Variants in ESR1 observed in about 807,000 individuals in gnomAD.
The protein encoded by ESR1 is estrogen receptor 1.
A neutral mutation model predicts 52.7 loss-of-function variants in ESR1; 12 were observed. That is an observed-to-expected ratio of 0.23 (90% confidence interval 0.15 to 0.37). The LOEUF (loss-of-function observed/expected upper bound fraction) is 0.37, where lower values mean the gene tolerates loss of function less well. Among genes scored for constraint, ESR1 ranks in the 10% least tolerant of loss-of-function variants. The probability of loss-of-function intolerance (pLI) is 1.00; values close to 1 mark genes in which losing one functional copy is unlikely to be tolerated. For synonymous variants in ESR1, 305 were observed against 316.8 expected, an observed-to-expected ratio of 0.96 and a Z score of 0.39; for missense variants, 584 against 779.7, an observed-to-expected ratio of 0.75 and a Z score of 2.99.
chr6:152,039,649 A>G (rs1283879778), intron 5 of ESR1, among the ~76,000 whole-genome samples: 3 of 152,058 alleles, frequency 2.0e-5, no homozygotes, highest in African/African-American at 7.2e-5. Flanking sequence ...CCACCCCTTG[A>G]TTCCTGGACC....
chr6:151,880,782 C>G lies in ESR1; in HGVS notation c.760+11C>G. 7.0e-7 allele frequency: 1 copy of G among 1,436,170 alleles called. No homozygotes were observed. The highest frequency in any genetic ancestry group is 9.8e-7 in the Non-Finnish European group (1 of 1,017,936). 89.0% of individuals were successfully genotyped at this position (1,436,170 alleles called of 1,614,324 possible). On this transcript the variant is annotated intron_variant, in intron 3 of 7. Transcript: ENST00000206249. Reference sequence around the variant, plus strand: ...GAATGATGAAAGGTGGTAGGTACATCTCTCCCAGGGGCCCTTGGGGATGGC... The same window carrying G: ...GAATGATGAAAGGTGGTAGGTACATGTCTCCCAGGGGCCCTTGGGGATGGC...
At chr6:151,750,659 C>T (rs1407764186) in intron 2 of ESR1, among the ~76,000 whole-genome samples, 1 of 152,050 alleles carries the variant, frequency 6.6e-6, no homozygotes, top group African/African-American at 2.4e-5. Flanking sequence ...AGTCTCTTCT[C>T]GAATGCTAAC....
At chr6:151,871,040 G>A (rs2128309684) in intron 2 of ESR1, among the ~76,000 whole-genome samples, 1 of 151,828 alleles carries the variant, frequency 6.6e-6, no homozygotes, top group African/African-American at 2.4e-5. Context: ...TTGTAGAGCT[G>A]GGGTCTTGCT....
At chr6:152,004,204 G>A (rs2042166344) in intron 4 of ESR1, among the ~76,000 whole-genome samples, 1 of 151,964 alleles carries the variant, frequency 6.6e-6, no homozygotes, top group Admixed American at 6.6e-5. Context: ...TGACTAAACT[G>A]TGCACATGAG....
chr6:151,684,394 T>C (rs1052080283), intron 1 of ESR1, among the ~76,000 whole-genome samples: 6 of 152,174 alleles, frequency 3.9e-5, no homozygotes, highest in African/African-American at 1.4e-4. Flanking sequence ...CTTAATTTAA[T>C]CTTGCAGTAA....
At chr6:151,809,303 A>T (rs1037280279) in intron 1 of ESR1, 1 of 341,460 alleles carries the variant, frequency 2.9e-6, no homozygotes, top group African/African-American at 2.2e-5. Context: ...TTTTTTCCCT[A>T]CAAGAATTGT....
intron 2 of ESR1, among the ~76,000 whole-genome samples, chr6:151,778,285 G>C (rs117524059): frequency 1.3e-5 from 2 of 151,846 alleles, no homozygotes; most frequent in African/African-American, 4.9e-5. Flanking sequence ...ATTTCTGTTT[G>C]GGATGATGAA....
intron 4 of ESR1, among the ~76,000 whole-genome samples, chr6:151,959,290 G>T (rs990383380): frequency 2.6e-5 from 4 of 152,166 alleles, no homozygotes; most frequent in Admixed American, 6.5e-5. Flanking sequence ...CTTAGTGAAA[G>T]ATCACTTAGT....
chr6:151,759,988 T>G (rs529152773), intron 2 of ESR1, among the ~76,000 whole-genome samples: 9 of 152,336 alleles, frequency 5.9e-5, no homozygotes, highest in African/African-American at 2.2e-4. Context: ...AAATCTATCC[T>G]ACAGATTAGT....
At chr6:151,899,579 C>A (rs908162734) in intron 3 of ESR1, among the ~76,000 whole-genome samples, 1 of 148,124 alleles carries the variant, frequency 6.8e-6, no homozygotes, top group African/African-American at 2.5e-5. Flanking sequence ...GGGGAGCTGA[C>A]CCCCCCACCT....
At chr6:152,021,132 A>G (rs1044526478) in intron 5 of ESR1, among the ~76,000 whole-genome samples, 24 of 152,280 alleles carry the variant, frequency 1.6e-4, no homozygotes, top group Non-Finnish European at 4.4e-5. Flanking sequence ...TATTTGAGTC[A>G]GTGGGCTGTG....
At chr6:152,059,685 G>A (rs1211573735) in intron 5 of ESR1, among the ~76,000 whole-genome samples, 1 of 152,092 alleles carries the variant, frequency 6.6e-6, no homozygotes, top group African/African-American at 2.4e-5. Flanking sequence ...AAATACATAA[G>A]CCCTTTTATC....
At chr6:151,927,836 G>C (rs1181245244) in intron 3 of ESR1, among the ~76,000 whole-genome samples, 1 of 151,840 alleles carries the variant, frequency 6.6e-6, no homozygotes. Context: ...TCATGTGTCA[G>C]CCTCCCGAGT....
intron 2 of ESR1, among the ~76,000 whole-genome samples, chr6:151,796,317 AG>A (rs34003800): frequency 6.6e-6 from 1 of 152,182 alleles, no homozygotes; most frequent in Non-Finnish European, 1.5e-5. Flanking sequence ...TCTTTTAAAA[AG>A]GGGTGTGGAA....
At chr6:152,048,481 C>T (rs1262772496) in intron 5 of ESR1, among the ~76,000 whole-genome samples, 1 of 151,008 alleles carries the variant, frequency 6.6e-6, no homozygotes, top group Admixed American at 6.6e-5. Flanking sequence ...TCTTTTTCTT[C>T]TTGGCATTGA....
chr6:152,059,506 A>G lies in ESR1; in HGVS notation c.1236-1485A>G, dbSNP rs554047166. On this transcript the variant is annotated intron_variant, in intron 5 of 7. Transcript: ENST00000206249. The stretch of plus-strand genomic sequence containing the variant: ...TACATATGACAAATGGCTTATTACT[A>G]TAATATTTAAAGAACTCTTAAAAAT... Among the ~76,000 whole-genome samples, 7 of 152,240 alleles carry G rather than the reference A, an allele frequency of 4.6e-5. No individual in the cohort carries two copies. In the South Asian group the frequency reaches 1.5e-3, roughly 32 times the overall value.
At chr6:152,054,015 T>C (rs35115969) in intron 5 of ESR1, among the ~76,000 whole-genome samples, 34,672 of 151,916 alleles carry the variant, frequency 0.23, 5,913 homozygotes, top group African/African-American at 0.47. Flanking sequence ...TACCAGGCAC[T>C]CATTTAAAAG....
chr6:151,945,470 T>C (rs988559946), intron 4 of ESR1, among the ~76,000 whole-genome samples: 1 of 152,174 alleles, frequency 6.6e-6, no homozygotes, highest in African/African-American at 2.4e-5. Flanking sequence ...TCTGGTAAAA[T>C]TGGACTGTTA....
intron 1 of ESR1, among the ~76,000 whole-genome samples, chr6:151,682,483 TG>T (rs1778498486): frequency 6.6e-6 from 1 of 152,228 alleles, no homozygotes; most frequent in African/African-American, 2.4e-5. Flanking sequence ...AAGATCTCTT[TG>T]GAGTTTTACA....
Sources: allele counts gnomAD v4.1 joint callset (sites outside exome capture counted in the v4.1 genomes callset), GRCh38; gene constraint gnomAD v4.1.1; transcripts MANE v1.5; gene names NCBI Gene and HGNC (gene_info 2026-07-23, HGNC 2026-07-21).